The following SLC23A2 variants were observed in gnomAD, a reference collection of about 807,000 sequenced individuals.
SLC23A2 encodes the protein solute carrier family 23 member 2.
A neutral mutation model predicts 73.3 loss-of-function variants in SLC23A2; 36 were observed. The ratio of observed to expected loss-of-function variants is 0.49; its 90% CI spans 0.38 to 0.65. SLC23A2 has a LOEUF of 0.65. Ranked by LOEUF, SLC23A2 falls within the 30% of genes least tolerant of loss-of-function variation. The pLI is 0.00. For synonymous variants in SLC23A2, 343 were observed against 327.3 expected (o/e 1.05, Z -0.52); for missense variants, 507 against 841.6 (o/e 0.60, Z 4.92).
intron 1 of SLC23A2, among the ~76,000 whole-genome samples, chr20:4,983,303 A>G (rs1000448101): frequency 2.0e-5 from 3 of 152,130 alleles, no homozygotes; most frequent in African/African-American, 7.2e-5. Flanking sequence ...AAAAAAAGAA[A>G]AACAGACACA....
intron 2 of SLC23A2, among the ~76,000 whole-genome samples, chr20:4,963,371 C>G (rs1364509804): frequency 1.3e-5 from 2 of 152,066 alleles, no homozygotes; most frequent in African/African-American, 4.8e-5. Context: ...ATCCAGCAAG[C>G]CACCAAGTCA....
intron 3 of SLC23A2, among the ~76,000 whole-genome samples, chr20:4,914,041 T>A (rs759240297): frequency 6.6e-6 from 1 of 151,818 alleles, no homozygotes; most frequent in Admixed American, 6.6e-5. Context: ...ACTGTATATA[T>A]GGTTAACAGT....
intron 1 of SLC23A2, among the ~76,000 whole-genome samples, chr20:4,978,916 T>C (rs2087685103): frequency 6.6e-6 from 1 of 151,562 alleles, no homozygotes; most frequent in Non-Finnish European, 1.5e-5. Context: ...TCAGAAAGAG[T>C]TATTTAAGGC....
intron 13 of SLC23A2, among the ~76,000 whole-genome samples, chr20:4,864,047 G>C (rs1930093060): frequency 6.6e-6 from 1 of 152,168 alleles, no homozygotes; most frequent in Non-Finnish European, 1.5e-5. Context: ...GAGAGGTGGT[G>C]CTGGCATCAG....
Position 4,872,002 on chromosome 20 carries a change from A to G in SLC23A2, c.1102+1934T>C, listed in dbSNP as rs956954435. On this transcript the variant is annotated intron_variant, in intron 11 of 16. Coordinates refer to ENST00000338244, the MANE Select transcript of SLC23A2 (RefSeq NM_005116.6). This position sits in a 1 kb window ranked among gnomAD's most constrained non-coding sequence, Gnocchi z 4.4. Reference sequence around the variant, plus strand: ...TATATATCTATATATCTATATCTATATTTTTTTTTCTTAAAGACCTTGTTG... The same window carrying G: ...TATATATCTATATATCTATATCTATGTTTTTTTTTCTTAAAGACCTTGTTG... Among the ~76,000 whole-genome samples, 1 of 150,958 alleles carries G rather than the reference A, an allele frequency of 6.6e-6. No homozygotes were observed. Among genetic ancestry groups the G allele is most frequent in the African/African-American group, 2.4e-5 (1 of 41,078 alleles).
At chr20:4,997,155 C>A (rs771056846) in intron 1 of SLC23A2, among the ~76,000 whole-genome samples, 1 of 152,142 alleles carries the variant, frequency 6.6e-6, no homozygotes, top group Non-Finnish European at 1.5e-5. Context: ...GGTCTCCTTG[C>A]TGTCCTGCCT....
At chr20:5,003,236 T>C (rs1468371991), upstream of SLC23A2, among the ~76,000 whole-genome samples, 2 of 151,636 alleles carry the variant, frequency 1.3e-5, no homozygotes, top group Admixed American at 1.3e-4. Flanking sequence ...ACAAAAAAAT[T>C]AGCCGGGCGT....
chr20:4,927,100 C>A (rs1420791525), intron 3 of SLC23A2, among the ~76,000 whole-genome samples: 1 of 152,038 alleles, frequency 6.6e-6, no homozygotes, highest in Non-Finnish European at 1.5e-5. Flanking sequence ...CCCTAACCAG[C>A]AAGCAGAGAT....
At chr20:4,967,758 A>G (rs1282191468) in intron 2 of SLC23A2, among the ~76,000 whole-genome samples, 2 of 152,224 alleles carry the variant, frequency 1.3e-5, no homozygotes, top group African/African-American at 4.8e-5. Context: ...GATCCAGTTT[A>G]TAACTGAGTT....
chr20:4,916,191 G>GA (rs1247841976), intron 3 of SLC23A2, among the ~76,000 whole-genome samples: 1 of 152,164 alleles, frequency 6.6e-6, no homozygotes, highest in Non-Finnish European at 1.5e-5. Context: ...TCCACGAGAT[G>GA]AAACTCTTAA....
chr20:4,909,823 C>T (rs1372484356), intron 4 of SLC23A2, among the ~76,000 whole-genome samples: 1 of 152,044 alleles, frequency 6.6e-6, no homozygotes, highest in African/African-American at 2.4e-5. Context: ...TCCCAAAGTG[C>T]TGGCATTACA....
intron 2 of SLC23A2, among the ~76,000 whole-genome samples, chr20:4,942,222 G>T (rs575514239): frequency 1.3e-5 from 2 of 152,100 alleles, no homozygotes; most frequent in South Asian, 4.1e-4. Flanking sequence ...ATGTCCTCAT[G>T]TTTAAAGTTC....
At chr20:4,903,159 T>C (rs1931815688) in intron 4 of SLC23A2, among the ~76,000 whole-genome samples, 1 of 152,190 alleles carries the variant, frequency 6.6e-6, no homozygotes, top group South Asian at 2.1e-4. Flanking sequence ...AATGTATTCA[T>C]AGTTTAGGTG....
intron 2 of SLC23A2, among the ~76,000 whole-genome samples, chr20:4,962,478 G>A (rs1015192626): frequency 6.6e-6 from 1 of 152,212 alleles, no homozygotes; most frequent in Admixed American, 6.5e-5. Context: ...GGAGGACAGG[G>A]TGTGTAGACA....
At chr20:4,923,662 C>G (rs983048465) in intron 3 of SLC23A2, among the ~76,000 whole-genome samples, 1 of 152,172 alleles carries the variant, frequency 6.6e-6, no homozygotes, top group Non-Finnish European at 1.5e-5. Flanking sequence ...ACTATTATTA[C>G]CATCCAACTG....
chr20:4,957,106 C>T (rs1444821855), intron 2 of SLC23A2, among the ~76,000 whole-genome samples: 2 of 151,880 alleles, frequency 1.3e-5, no homozygotes, highest in African/African-American at 4.8e-5. Flanking sequence ...TGCGCCCGGC[C>T]TCCTTCCCTC....
upstream of SLC23A2, among the ~76,000 whole-genome samples, chr20:5,004,110 C>T (rs961987090): frequency 1.3e-5 from 2 of 152,160 alleles, no homozygotes; most frequent in Admixed American, 6.6e-5. Context: ...ACCTCTCTCC[C>T]TAGACAAGAC....
At chr20:4,884,864 T>C (rs1600099074) in intron 7 of SLC23A2, 41 bp from the exon 8 acceptor site, 1 of 1,121,748 alleles carries the variant, frequency 8.9e-7, no homozygotes, top group Non-Finnish European at 1.3e-6. Flanking sequence ...GTGACACTGA[T>C]GTCTCACATG....
At chr20:4,904,002 A>T (rs191844116) in intron 4 of SLC23A2, among the ~76,000 whole-genome samples, 1 of 152,114 alleles carries the variant, frequency 6.6e-6, no homozygotes, top group Non-Finnish European at 1.5e-5. Context: ...CCTCTTAAAC[A>T]TGTCTTTTTA....
Sources: gnomAD v4.1 joint callset for allele counts (sites outside exome capture counted in the v4.1 genomes callset) on GRCh38, gnomAD v4.1.1 for gene constraint, Gnocchi (gnomAD v3.1) non-coding constraint, MANE v1.5 for transcripts, NCBI Gene and HGNC (gene_info 2026-07-23, HGNC 2026-07-21) for gene names.